ZNF318: variants seen among roughly 807,000 people sequenced by gnomAD.
ZNF318 encodes the protein zinc finger protein 318.
A neutral mutation model predicts 124.2 loss-of-function variants in ZNF318; 51 were observed. The observed-to-expected ratio is 0.41, with a 90% confidence interval of 0.33 to 0.52. The LOEUF (loss-of-function observed/expected upper bound fraction) is 0.52. Ranked by LOEUF, ZNF318 falls within the 20% of genes least tolerant of loss-of-function variation. ZNF318 has a pLI of 0.23. For synonymous variants in ZNF318, 1,090 were observed against 1,040.7 expected (o/e 1.05, Z -0.91); for missense variants, 2,815 against 2,811.2 (o/e 1.00, Z -0.03).
chr6:43,356,578 C>T (rs542879980), intron 3 of ZNF318, among the ~76,000 whole-genome samples: 1 of 152,260 alleles, frequency 6.6e-6, no homozygotes, highest in African/African-American at 2.4e-5. Flanking sequence ...CCTAAGAGGA[C>T]AGCTAAAAAC....
rs1779335629 is a variant in ZNF318 at position 43,339,243 on chromosome 6, C to A, written c.4755G>T (p.Gly1585=). 1 of 1,610,624 alleles carries A rather than the reference C, an allele frequency of 6.2e-7. No homozygotes were observed. Among genetic ancestry groups the A allele is most frequent in the Non-Finnish European group, 8.5e-7 (1 of 1,178,104 alleles). ...CACCACTTAGCTTAGTCTCAGGGGC[C>A]CCCTTAGTCTCAGGGGCCCCCTTTC... The part of the protein sequence containing the change: ...SGGKGAPETK[G]APETKLSGGP... Residue 1585 remains glycine (G), a synonymous_variant, in exon 10 of 10, where the codon GGG becomes GGT. Coordinates refer to ENST00000361428, the MANE Select transcript of ZNF318 (RefSeq NM_014345.3). This position sits in a 1 kb window ranked among gnomAD's most constrained non-coding sequence, Gnocchi z 4.2.
rs1358533221 is a variant in ZNF318, at chr6:43,339,820, T to C, written c.4178A>G (p.Lys1393Arg). 1 of 1,614,194 alleles carries C rather than the reference T, an allele frequency of 6.2e-7. No individual in the cohort carries two copies. Among genetic ancestry groups the C allele is most frequent in the Non-Finnish European group, 8.5e-7 (1 of 1,180,026 alleles). Residue 1393 changes from lysine to arginine, a missense_variant, in exon 10 of 10, where the codon AAA (lysine) becomes AGA (arginine). Around this residue, in one of 4 missense-constraint regions of ZNF318, gnomAD observed 500 missense variants for 605.2 expected, o/e 0.83. Transcript: ENST00000361428. This position sits in a 1 kb window ranked among gnomAD's most constrained non-coding sequence, Gnocchi z 4.2. ...TAAGAGGAGATCAGCTGAAGACTCT[T>C]TAACCACTGGCAGAGGTTTAGCAGT... ...GTTAKPLPVVKESSADLLLPP... is the reference protein window; with the variant it reads ...GTTAKPLPVVRESSADLLLPP...
chr6:43,337,882 A>G lies in ZNF318; in HGVS notation c.6116T>C (p.Leu2039Ser), dbSNP rs1160164578. Reference protein sequence around the residue: ...VSPAHRSPTVLCQKVCEENSV... With the variant: ...VSPAHRSPTVSCQKVCEENSV... ...ATTTTCTTCACACACTTTCTGACAC[A>G]AGACAGTTGGGGATCTATGTGCTGG... The change falls in exon 10 of 10, where the codon TTG (leucine) becomes TCG (serine). Residue 2039 changes from leucine (L) to serine (S), a missense_variant. Leu to Ser is a moderately radical substitution (Grantham distance 145, BLOSUM62 -2). Around this residue, in one of 4 missense-constraint regions of ZNF318, gnomAD observed 927 missense variants for 820.6 expected, o/e 1.13. Transcript: ENST00000361428. 6.2e-7 allele frequency: 1 copy of G among 1,614,106 alleles called. No homozygotes were observed. Among genetic ancestry groups the G allele is most frequent in the African/African-American group, 1.3e-5 (1 of 74,930 alleles).
intron 2 of ZNF318, chr6:43,364,409 G>A (rs143351128): frequency 1.1e-4 from 25 of 231,100 alleles, no homozygotes; most frequent in African/African-American, 4.7e-4. Flanking sequence ...TATTACCAAC[G>A]GCAAAACTGG....
intron 2 of ZNF318, among the ~76,000 whole-genome samples, chr6:43,360,140 C>T (rs970494795): frequency 1.3e-5 from 2 of 152,156 alleles, no homozygotes; most frequent in Non-Finnish European, 2.9e-5. Context: ...TATTACATGT[C>T]ACCATGAAAC....
At chr6:43,352,510 C>T (rs1352732272) in intron 4 of ZNF318, 34 bp from the exon 5 acceptor site, 5 of 1,559,718 alleles carry the variant, frequency 3.2e-6, no homozygotes, top group Admixed American at 3.3e-5. Context: ...GAGTCCATCT[C>T]CTCCAACATT....
chr6:43,337,217 C>T lies in ZNF318; in HGVS notation c.6781G>A (p.Glu2261Lys). ...EDNMVPQGMP[E>K]QETTVGAIQD... Reference sequence around the variant, plus strand: ...ATGGCACCAACTGTAGTTTCCTGTTCAGGCATTCCCTGAGGGACCATATTG... The same window carrying T: ...ATGGCACCAACTGTAGTTTCCTGTTTAGGCATTCCCTGAGGGACCATATTG... Residue 2261 changes from glutamate (E) to lysine (K), a missense_variant, in exon 10 of 10, where the codon GAA (glutamate) becomes AAA (lysine). By Grantham distance (56) the Glu-to-Lys change is moderately conservative. Transcript: ENST00000361428. 1.2e-6 allele frequency: 2 copies of T among 1,613,708 alleles called. No individual in the cohort carries two copies. The highest frequency in any genetic ancestry group is 2.2e-5 in the South Asian group (2 of 91,018).
At position 43,342,867 on chromosome 6, in the gene ZNF318, T is replaced by C. The variant is rs1339384941; in HGVS notation, c.3085A>G (p.Asn1029Asp). The change falls in exon 7 of 10, where the codon AAC (asparagine) becomes GAC (aspartate). Residue 1029 changes from asparagine (N) to aspartate (D), a missense_variant. Asn to Asp is a conservative substitution (Grantham distance 23). This residue lies in a region of ZNF318 where 1,377 missense variants were observed against 1,353.5 expected (regional missense o/e 1.02). Coordinates refer to ENST00000361428, the MANE Select transcript of ZNF318 (RefSeq NM_014345.3). Reference sequence around the variant, plus strand: ...CTCTTAGTACGAAACTTCTCATTGTTTACTTTTGATTCCTAGAGGGGAAAA... The same window carrying C: ...CTCTTAGTACGAAACTTCTCATTGTCTACTTTTGATTCCTAGAGGGGAAAA... ...NSSSNKESKV[N>D]NEKFRTKSPK... The C allele has an allele frequency of 1.9e-6, 3 of 1,610,516 alleles. No homozygotes were observed. Among genetic ancestry groups the C allele is most frequent in the East Asian group, 2.2e-5 (1 of 44,808 alleles).
At chr6:43,358,762 G>A (rs1283305604) in intron 2 of ZNF318, among the ~76,000 whole-genome samples, 1 of 151,628 alleles carries the variant, frequency 6.6e-6, no homozygotes, top group Non-Finnish European at 1.5e-5. Context: ...TCACATGTTG[G>A]CCAGGCTGGT....
At position 43,354,807 on chromosome 6, in the gene ZNF318, G is replaced by A; in HGVS notation, c.2527C>T (p.Pro843Ser). 1 of 1,614,204 alleles carries A rather than the reference G, an allele frequency of 6.2e-7. No homozygotes were observed. The highest frequency in any genetic ancestry group is 8.5e-7 in the Non-Finnish European group (1 of 1,180,038). Residue 843 changes from proline (P) to serine (S), a missense_variant, in exon 4 of 10, where the codon CCT (proline) becomes TCT (serine). Pro to Ser is a moderately conservative substitution (Grantham distance 74, BLOSUM62 -1). Around this residue, in one of 4 missense-constraint regions of ZNF318, gnomAD observed 1,377 missense variants for 1,353.5 expected, o/e 1.02. Transcript: ENST00000361428. ...PNLRVIPTVT[P>S]DKPKQKESLR... Reference sequence around the variant, plus strand: ...GACTCTTTCTGCTTAGGCTTATCAGGAGTCACAGTGGGGATCACACGAAGA... The same window carrying A: ...GACTCTTTCTGCTTAGGCTTATCAGAAGTCACAGTGGGGATCACACGAAGA...
chr6:43,367,773 T>C (rs536741923), intron 1 of ZNF318, among the ~76,000 whole-genome samples: 7 of 152,334 alleles, frequency 4.6e-5, no homozygotes, highest in African/African-American at 1.4e-4. Context: ...AATCTTAACA[T>C]AGTGACAAAT....
Position 43,338,958 on chromosome 6 carries a change from C to T in ZNF318, c.5040G>A (p.Leu1680=), listed in dbSNP as rs1221105967. ...TYGFLQPLTR[L]CQSRPYETIT... is the part of the protein sequence containing the mutation. The stretch of plus-strand genomic sequence containing the variant: ...TTGTTTCATAAGGCCTGCTTTGGCA[C>T]AACCTTGTCAGAGGCTGTAGGAAGC... Residue 1680 remains leucine, a synonymous_variant, in exon 10 of 10, where the codon TTG becomes TTA. Transcript: ENST00000361428. 3.1e-6 allele frequency: 5 copies of T among 1,614,068 alleles called. No homozygotes were observed. In the African/African-American group the frequency reaches 5.3e-5, roughly 17 times the overall value.
intron 5 of ZNF318, among the ~76,000 whole-genome samples, chr6:43,350,621 T>A (rs1350899221): frequency 6.6e-6 from 1 of 151,820 alleles, no homozygotes; most frequent in Non-Finnish European, 1.5e-5. Flanking sequence ...TCAGGAGTTT[T>A]GAGACCAGCC....
intron 3 of ZNF318, among the ~76,000 whole-genome samples, chr6:43,356,592 T>C (rs1027202338): frequency 6.6e-6 from 1 of 152,164 alleles, no homozygotes; most frequent in Non-Finnish European, 1.5e-5. Context: ...TAAAAACTAG[T>C]GGTCTTTCCA....
rs751720451 is a variant in ZNF318, at chr6:43,339,312, T to C, written c.4686A>G (p.Thr1562=). 5 of 1,614,084 alleles carry C rather than the reference T, an allele frequency of 3.1e-6. No homozygotes were observed. The highest frequency in any genetic ancestry group is 4.2e-6 in the Non-Finnish European group (5 of 1,180,042). The change falls in exon 10 of 10, where the codon ACA becomes ACG. Residue 1562 remains threonine (T), a synonymous_variant. Coordinates refer to ENST00000361428, the MANE Select transcript of ZNF318 (RefSeq NM_014345.3). This position sits in a 1 kb window ranked among gnomAD's most constrained non-coding sequence, Gnocchi z 4.2. ...KLEKRNSCLA[T]ANAKDLYDIF... is the part of the protein sequence containing the mutation. ...TGTCATACAGGTCCTTAGCATTGGC[T>C]GTGGCTAAGCATGAATTTCGCTTCT...
intron 1 of ZNF318, among the ~76,000 whole-genome samples, chr6:43,367,085 C>T (rs893668118): frequency 6.6e-5 from 10 of 152,146 alleles, no homozygotes; most frequent in African/African-American, 2.2e-4. Context: ...CTCCTGACCT[C>T]GTGATCCGCC....
chr6:43,340,263 T>TTCA lies in ZNF318; in HGVS notation c.3732_3734dup (p.Pro1244_Glu1245insAsp). On this transcript the variant is annotated inframe_insertion, in exon 10 of 10. Coordinates refer to ENST00000361428, the MANE Select transcript of ZNF318 (RefSeq NM_014345.3). ...CAGTGTTCCTTTTATTTTCAGCTTT[T>TTCA]TCAGGGGAGTTCCTACCCTCAGAGA... The TTCA allele has an allele frequency of 6.2e-7, 1 of 1,614,032 alleles. No homozygotes were observed.
intron 2 of ZNF318, among the ~76,000 whole-genome samples, chr6:43,364,550 C>G (rs1779734107): frequency 6.6e-6 from 1 of 152,152 alleles, no homozygotes; most frequent in Non-Finnish European, 1.5e-5. Context: ...TCAAAACTCC[C>G]AATGTGCTGG....
In ZNF318 at chr6:43,364,217, T is replaced by A. The variant is rs1044245431; in HGVS notation, c.548+1075A>T. 192 of 687,134 alleles carry A rather than the reference T, an allele frequency of 2.8e-4. 1 individual carries two copies. In the South Asian group the frequency reaches 3.3e-3, roughly 12 times the overall value. 42.6% of individuals were successfully genotyped at this position (687,134 alleles called of 1,614,324 possible). A position where few individuals can be genotyped will look rare whatever the true frequency, so the allele number is the denominator to read the frequency against. On this transcript the variant is annotated intron_variant, in intron 2 of 9. Coordinates refer to ENST00000361428, the MANE Select transcript of ZNF318 (RefSeq NM_014345.3). ...ATTCACCAAGTCTCCCTATCAGGAA[T>A]TCACTGACCACCTCATCAAGACACA...
Sources: gnomAD v4.1 joint callset for allele counts (sites outside exome capture counted in the v4.1 genomes callset) on GRCh38, gnomAD v4.1.1 for gene constraint, gnomAD v4.1.1 regional missense constraint, Gnocchi (gnomAD v3.1) non-coding constraint, MANE v1.5 for transcripts, NCBI Gene and HGNC (gene_info 2026-07-23, HGNC 2026-07-21) for gene names.